UBE2E1: variants seen among roughly 807,000 people sequenced by gnomAD.
UBE2E1 encodes the protein ubiquitin conjugating enzyme E2 E1.
UBE2E1 carries 6 observed loss-of-function variants against 21.4 expected under a neutral mutation model. That is an observed-to-expected ratio of 0.28 (90% CI 0.15 to 0.55). The LOEUF (loss-of-function observed/expected upper bound fraction) is 0.55, where lower values mean the gene tolerates loss of function less well. Ranked by LOEUF, UBE2E1 falls within the 20% of genes least tolerant of loss-of-function variation. The probability of loss-of-function intolerance (pLI) is 0.93; values close to 1 mark genes in which losing one functional copy is unlikely to be tolerated. For missense variants in UBE2E1, 142 were observed against 236.5 expected (o/e 0.60, Z 2.62); for synonymous variants, 87 against 82.7 (o/e 1.05, Z -0.28).
At chr3:23,817,474 A>G (rs1390104475) in intron 3 of UBE2E1, among the ~76,000 whole-genome samples, 2 of 152,084 alleles carry the variant, frequency 1.3e-5, no homozygotes, top group Non-Finnish European at 2.9e-5. Flanking sequence ...CAAGGAGTTC[A>G]TAATCTAGTC....
intron 2 of UBE2E1, chr3:23,807,666 C>T (rs917767777): frequency 2.6e-6 from 1 of 383,986 alleles, no homozygotes; most frequent in South Asian, 6.1e-5. Flanking sequence ...TAAGATTCCT[C>T]GTTACTTTTA....
intron 3 of UBE2E1, among the ~76,000 whole-genome samples, chr3:23,867,364 A>G (rs752671740): frequency 9.9e-5 from 15 of 152,186 alleles, no homozygotes; most frequent in Non-Finnish European, 2.2e-4. Context: ...ACAAACCTGT[A>G]TGTAATAAAT....
intron 3 of UBE2E1, among the ~76,000 whole-genome samples, chr3:23,854,926 G>A (rs768008974): frequency 1.6e-4 from 24 of 152,180 alleles, no homozygotes; most frequent in Non-Finnish European, 1.3e-4. Flanking sequence ...AGAATTCAGT[G>A]CATATAGAGG....
intron 3 of UBE2E1, among the ~76,000 whole-genome samples, chr3:23,837,730 C>T (rs563565179): frequency 3.3e-4 from 50 of 152,222 alleles, no homozygotes; most frequent in Non-Finnish European, 6.6e-4. Flanking sequence ...GACTAGCCTA[C>T]ACCTGGTTTG....
In UBE2E1 at chr3:23,808,468, T is replaced by A. The variant is rs1298484338; in HGVS notation, c.152+1047T>A. ...GGGATAGGGATACCCTTCTTAAAAA[T>A]TTTTAAAATAAAGTAGAACATGAGA... On this transcript the variant is annotated intron_variant, in intron 2 of 5. Coordinates refer to ENST00000306627, the MANE Select transcript of UBE2E1 (RefSeq NM_003341.5). This position sits in a 1 kb window ranked among gnomAD's most constrained non-coding sequence, Gnocchi z 4.9. 6.6e-6 allele frequency among the ~76,000 whole-genome samples: 1 copy of A among 152,196 alleles called. No homozygotes were observed. Among genetic ancestry groups the A allele is most frequent in the Non-Finnish European group, 1.5e-5 (1 of 68,032 alleles).
At chr3:23,815,635 T>C (rs1699498690) in intron 3 of UBE2E1, among the ~76,000 whole-genome samples, 1 of 152,210 alleles carries the variant, frequency 6.6e-6, no homozygotes, top group South Asian at 2.1e-4. Context: ...CTCATCATGG[T>C]TCACAATGGA....
chr3:23,841,331 A>G (rs1700079396), intron 3 of UBE2E1, among the ~76,000 whole-genome samples: 1 of 151,922 alleles, frequency 6.6e-6, no homozygotes, highest in African/African-American at 2.4e-5. Flanking sequence ...TATCAGCTGA[A>G]CTGTGTCATT....
At chr3:23,872,697 C>T (rs965359043) in intron 3 of UBE2E1, among the ~76,000 whole-genome samples, 5 of 152,164 alleles carry the variant, frequency 3.3e-5, no homozygotes, top group East Asian at 1.9e-4. Context: ...ATATAAATAA[C>T]ATTTTAAATG....
chr3:23,832,277 G>A (rs1328359070), intron 3 of UBE2E1, among the ~76,000 whole-genome samples: 3 of 152,232 alleles, frequency 2.0e-5, no homozygotes, highest in African/African-American at 7.2e-5. Context: ...CCTGTTGGAA[G>A]AGAATATACA....
rs115302078 is a variant in UBE2E1 at position 23,843,478 on chromosome 3, G to A, written c.203+31968G>A. On this transcript the variant is annotated intron_variant, in intron 3 of 5. Transcript: ENST00000306627. ...TCTTAAGTCTTTGGCACCTACTGCT[G>A]TTAGAATATAGTGGCATTTGAACAC... Among the ~76,000 whole-genome samples the A allele has an allele frequency of 6.8e-3, 1,039 of 152,278 alleles. 14 individuals are homozygous for A. Among genetic ancestry groups the A allele is most frequent in the African/African-American group, 0.024 (988 of 41,540 alleles).
Position 23,853,223 on chromosome 3 carries a change from C to T in UBE2E1, c.204-34344C>T, listed in dbSNP as rs1158343177. 6.6e-6 allele frequency among the ~76,000 whole-genome samples: 1 copy of T among 152,178 alleles called. No individual in the cohort carries two copies. Among genetic ancestry groups the T allele is most frequent in the Non-Finnish European group, 1.5e-5 (1 of 68,030 alleles). On this transcript the variant is annotated intron_variant, in intron 3 of 5. Coordinates refer to ENST00000306627, the MANE Select transcript of UBE2E1 (RefSeq NM_003341.5). This position sits in a 1 kb window ranked among gnomAD's most constrained non-coding sequence, Gnocchi z 4.1. ...ATTTCTTTTTCTTGCTGTAATTCAC[C>T]TGGCTACAACTTCCAGTAAAATATT...
intron 3 of UBE2E1, among the ~76,000 whole-genome samples, chr3:23,872,469 T>C (rs561492022): frequency 5.3e-4 from 80 of 152,288 alleles, no homozygotes; most frequent in African/African-American, 1.9e-3. Flanking sequence ...GCACTTATTT[T>C]AATGGTTAAC....
chr3:23,890,674 GTC>G lies in UBE2E1; in HGVS notation c.*69_*70del. 1.7e-6 allele frequency: 2 copies of G among 1,202,762 alleles called. No individual in the cohort carries two copies. The highest frequency in any genetic ancestry group is 1.4e-5 in the South Asian group (1 of 73,932). 74.5% of individuals were successfully genotyped at this position (1,202,762 alleles called of 1,614,324 possible). A position where few individuals can be genotyped will look rare whatever the true frequency, so the allele number is the denominator to read the frequency against. On this transcript the variant is annotated 3_prime_UTR_variant, in exon 6 of 6. Transcript: ENST00000306627. ...GAGAGCTGCTTATGATTTTGAAGGG[GTC>G]AGGGAGGGTGGGAGTTGGTAAAGAG...
At position 23,810,507 on chromosome 3, in the gene UBE2E1, G is replaced by A; in HGVS notation, c.153-953G>A. 3 of 1,535,638 alleles carry A rather than the reference G, an allele frequency of 2.0e-6. No individual in the cohort carries two copies. The highest frequency in any genetic ancestry group is 2.6e-6 in the Non-Finnish European group (3 of 1,146,614). Reference sequence around the variant, plus strand: ...GAAGTGGGCAGACCCCGGGAAGTTAGAGGACGCCCGGGGAAAAGCAGGTCC... The same window carrying A: ...GAAGTGGGCAGACCCCGGGAAGTTAAAGGACGCCCGGGGAAAAGCAGGTCC... On this transcript the variant is annotated intron_variant, in intron 2 of 5. Coordinates refer to ENST00000306627, the MANE Select transcript of UBE2E1 (RefSeq NM_003341.5). The surrounding 1 kb of genome is among the most constrained non-coding windows in gnomAD (Gnocchi z 5.8).
At chr3:23,818,805 G>A (rs1025087385) in intron 3 of UBE2E1, among the ~76,000 whole-genome samples, 1 of 152,186 alleles carries the variant, frequency 6.6e-6, no homozygotes, top group Admixed American at 6.5e-5. Flanking sequence ...TCTGAAGGAT[G>A]TCTTCAGATG....
At position 23,891,462 on chromosome 3, in the gene UBE2E1, T is replaced by C. The variant is rs563448376; in HGVS notation, c.*856T>C. The C allele has an allele frequency of 6.6e-6, 1 of 152,326 alleles. No homozygotes were observed. Among genetic ancestry groups the C allele is most frequent in the African/African-American group, 2.4e-5 (1 of 41,570 alleles). The allele number at this position is 152,326 out of a possible 1,614,324, so 9.4% of individuals were successfully genotyped here. On this transcript the variant is annotated 3_prime_UTR_variant, in exon 6 of 6. Transcript: ENST00000306627. Reference sequence around the variant, plus strand: ...AGTTACCTATATTAGGATCTGTACTTTACACAGCTGTAGATGAGGTATCCT... The same window carrying C: ...AGTTACCTATATTAGGATCTGTACTCTACACAGCTGTAGATGAGGTATCCT...
chr3:23,869,109 A>G (rs774666648), intron 3 of UBE2E1, among the ~76,000 whole-genome samples: 1 of 152,188 alleles, frequency 6.6e-6, no homozygotes, highest in Non-Finnish European at 1.5e-5. Context: ...GAATTTCTAT[A>G]TCAAAGTGTT....
At chr3:23,840,011 G>T (rs912792540) in intron 3 of UBE2E1, among the ~76,000 whole-genome samples, 2 of 151,986 alleles carry the variant, frequency 1.3e-5, no homozygotes, top group East Asian at 1.9e-4. Flanking sequence ...TTTGTTTTCT[G>T]TGTTTCATTT....
intron 3 of UBE2E1, among the ~76,000 whole-genome samples, chr3:23,874,089 C>T (rs1188156522): frequency 6.6e-6 from 1 of 152,198 alleles, no homozygotes; most frequent in Non-Finnish European, 1.5e-5. Flanking sequence ...GACTGCCCCA[C>T]CTGGAGTTTG....
Sources: gnomAD v4.1 joint callset for allele counts (sites outside exome capture counted in the v4.1 genomes callset) on GRCh38, gnomAD v4.1.1 for gene constraint, Gnocchi (gnomAD v3.1) non-coding constraint, MANE v1.5 for transcripts, NCBI Gene and HGNC (gene_info 2026-07-23, HGNC 2026-07-21) for gene names.